DIAPH2: variants seen among roughly 807,000 people sequenced by gnomAD.
DIAPH2 encodes diaphanous related formin 2.
DIAPH2 carries 35 observed loss-of-function variants against 92.7 expected under a neutral mutation model. That is an observed-to-expected ratio of 0.38 (90% CI 0.29 to 0.50). The LOEUF (loss-of-function observed/expected upper bound fraction) is 0.50. Among genes scored for constraint, DIAPH2 ranks in the 20% least tolerant of loss-of-function variants. DIAPH2 has a pLI of 0.94. For synonymous variants in DIAPH2, 301 were observed against 280.4 expected (o/e 1.07, Z -0.73); for missense variants, 701 against 819.5 (o/e 0.86, Z 1.77).
chrX:97,300,804 C>T (rs1308141648), intron 23 of DIAPH2, among the ~76,000 whole-genome samples: 2 of 97,850 alleles, frequency 2.0e-5, no homozygotes, highest in Non-Finnish European at 4.1e-5. Flanking sequence ...TGGTGGCGGG[C>T]GCCTGTAGTC....
In DIAPH2 at chrX:96,884,631, G is replaced by T. The variant is rs1328940634; in HGVS notation, c.587+2913G>T. ...CGAAACCAATCGAGGCCCGACAGTG[G>T]TTTGGTAGAGAGAAAGTCAAGCAGG... On this transcript the variant is annotated intron_variant, in intron 5 of 26. Transcript: ENST00000324765. The T allele has an allele frequency of 2.5e-6, 3 of 1,210,703 alleles. No individual in the cohort carries two copies. Among genetic ancestry groups the T allele is most frequent in the Non-Finnish European group, 3.4e-6 (3 of 895,175 alleles).
chrX:96,707,474 G>A, intron 1 of DIAPH2, among the ~76,000 whole-genome samples: 1 of 109,329 alleles, frequency 9.1e-6, no homozygotes, highest in East Asian at 3.0e-4. Context: ...CCTGGCCTTA[G>A]TAATTTTAAT....
intron 5 of DIAPH2, among the ~76,000 whole-genome samples, chrX:96,887,644 C>T (rs1270824868): frequency 1.8e-5 from 2 of 111,222 alleles, no homozygotes; most frequent in Non-Finnish European, 3.8e-5. Context: ...CATTTTGTTA[C>T]TTTTACCTAC....
At chrX:97,004,613 T>C (rs1486618481) in intron 17 of DIAPH2, among the ~76,000 whole-genome samples, 1 of 111,749 alleles carries the variant, frequency 8.9e-6, no homozygotes, top group Non-Finnish European at 1.9e-5. Flanking sequence ...TTTTTCGCCA[T>C]TGGCATATAG....
chrX:96,766,709 G>A (rs2064306432), intron 4 of DIAPH2, among the ~76,000 whole-genome samples: 1 of 112,104 alleles, frequency 8.9e-6, no homozygotes, highest in Non-Finnish European at 1.9e-5. Context: ...TGAGTGATAC[G>A]AAAGCTAGAC....
rs544969280 is a variant in DIAPH2 at position 96,922,046 on chromosome X, T to G, written c.978+3429T>G. Among the ~76,000 whole-genome samples, 48 of 111,179 alleles carry G rather than the reference T, an allele frequency of 4.3e-4. No individual in the cohort carries two copies. In the South Asian group the frequency reaches 0.018, roughly 42 times the overall value. ...ACAGTGTTTAAAATACTTTAATATG[T>G]TATCCCATTTAAACCTCGCAGCAAT... On this transcript the variant is annotated intron_variant, in intron 9 of 26. Transcript: ENST00000324765.
At chrX:96,940,163 G>T (rs974252530) in intron 12 of DIAPH2, among the ~76,000 whole-genome samples, 3 of 110,596 alleles carry the variant, frequency 2.7e-5, no homozygotes, top group African/African-American at 9.9e-5. Context: ...AACTTTAAAG[G>T]TTTTATCTTG....
intron 19 of DIAPH2, among the ~76,000 whole-genome samples, chrX:97,080,458 C>G (rs1312731457): frequency 9.2e-6 from 1 of 108,150 alleles, no homozygotes; most frequent in Non-Finnish European, 1.9e-5. Flanking sequence ...TTGCTTCTAT[C>G]CCCCACAATC....
At chrX:96,815,492 C>G (rs775041117) in intron 4 of DIAPH2, among the ~76,000 whole-genome samples, 12 of 112,043 alleles carry the variant, frequency 1.1e-4, no homozygotes, top group African/African-American at 3.9e-4. Flanking sequence ...CCAGGTGAGG[C>G]GATGTCCCGC....
rs199631132 is a variant in DIAPH2 at position 96,884,903 on chromosome X, G to A, written c.587+3185G>A. The A allele has an allele frequency of 7.9e-5, 96 of 1,208,821 alleles. No individual in the cohort carries two copies. The highest frequency in any genetic ancestry group is 1.3e-4 in the Admixed American group (6 of 45,648). On this transcript the variant is annotated intron_variant, in intron 5 of 26. Transcript: ENST00000324765. ...GCTGGGGATAACGATGAGAGTCACC[G>A]CAATTTCATCCAGGACGAAGTGCTG...
chrX:97,257,091 G>A (rs1165640600), intron 23 of DIAPH2, among the ~76,000 whole-genome samples: 1 of 111,199 alleles, frequency 9.0e-6, no homozygotes, highest in Non-Finnish European at 1.9e-5. Context: ...TGTAAGATAG[G>A]ATAATAATGT....
chrX:97,433,062 C>CT (rs1333336867), intron 26 of DIAPH2, among the ~76,000 whole-genome samples: 1 of 111,671 alleles, frequency 9.0e-6, no homozygotes, highest in African/African-American at 3.3e-5. Context: ...CCTGTGCCCC[C>CT]TACCCAAGAC....
intron 17 of DIAPH2, among the ~76,000 whole-genome samples, chrX:97,005,037 C>G (rs1258486300): frequency 8.9e-6 from 1 of 111,766 alleles, no homozygotes; most frequent in Non-Finnish European, 1.9e-5. Flanking sequence ...TATCAAATGC[C>G]TATTCAGCAT....
intron 22 of DIAPH2, among the ~76,000 whole-genome samples, chrX:97,201,415 C>A (rs773667589): frequency 9.9e-6 from 1 of 101,100 alleles, no homozygotes; most frequent in South Asian, 4.8e-4. Context: ...AAGCTAAGAA[C>A]CTTGATAAAA....
chrX:97,542,152 C>T (rs763066743), intron 26 of DIAPH2, among the ~76,000 whole-genome samples: 29 of 112,325 alleles, frequency 2.6e-4, no homozygotes, highest in African/African-American at 6.1e-4. Flanking sequence ...ATGCATTATC[C>T]GATAGGCATG....
chrX:96,814,785 C>T (rs2064717365), intron 4 of DIAPH2, among the ~76,000 whole-genome samples: 1 of 111,731 alleles, frequency 9.0e-6, no homozygotes, highest in African/African-American at 3.3e-5. Context: ...CAGTCAGGTC[C>T]CTCAGATGCA....
intron 9 of DIAPH2, among the ~76,000 whole-genome samples, chrX:96,921,697 GT>G (rs373282813): frequency 5.3e-4 from 47 of 87,987 alleles, no homozygotes; most frequent in Admixed American, 7.6e-4. Context: ...TACCTTTATG[GT>G]TTTTTTTTTT....
At chrX:97,447,703 C>T (rs943589169) in intron 26 of DIAPH2, among the ~76,000 whole-genome samples, 10 of 111,119 alleles carry the variant, frequency 9.0e-5, no homozygotes, top group African/African-American at 2.3e-4. Flanking sequence ...GTTGAAAGCA[C>T]GGTTAAAATA....
chrX:96,945,514 T>G lies in DIAPH2; in HGVS notation c.1445-13T>G. On this transcript the variant is annotated splice_polypyrimidine_tract_variant and intron_variant, in intron 13 of 26. Coordinates refer to ENST00000324765, the MANE Select transcript of DIAPH2 (RefSeq NM_006729.5). Reference sequence around the variant, plus strand: ...TGCCATAATTTCGAATCACTTTTGTTTGATCTTAATAGATTCTTGTGTGAA... The same window carrying G: ...TGCCATAATTTCGAATCACTTTTGTGTGATCTTAATAGATTCTTGTGTGAA... 1 of 1,165,323 alleles carries G rather than the reference T, an allele frequency of 8.6e-7. No individual in the cohort carries two copies. Among genetic ancestry groups the G allele is most frequent in the Non-Finnish European group, 1.1e-6 (1 of 874,647 alleles).
Sources: gnomAD v4.1 joint callset for allele counts (sites outside exome capture counted in the v4.1 genomes callset) on GRCh38, gnomAD v4.1.1 for gene constraint, MANE v1.5 for transcripts, NCBI Gene and HGNC (gene_info 2026-07-23, HGNC 2026-07-21) for gene names.